Variants in XKR4 observed in about 807,000 individuals in gnomAD.
XKR4 encodes the protein XK-related protein 4.
XKR4 carries 12 observed loss-of-function variants against 53.9 expected under a neutral mutation model. That is an observed-to-expected ratio of 0.22 (90% confidence interval 0.14 to 0.36). XKR4 has a LOEUF of 0.36. Among genes scored for constraint, XKR4 ranks in the 10% least tolerant of loss-of-function variants. The pLI is 1.00. For synonymous variants in XKR4, 354 were observed against 362.4 expected (o/e 0.98, Z 0.26); for missense variants, 799 against 859.5 (o/e 0.93, Z 0.88).
intron 2 of XKR4, among the ~76,000 whole-genome samples, chr8:55,469,728 T>C (rs1034259956): frequency 6.6e-6 from 1 of 152,136 alleles, no homozygotes; most frequent in East Asian, 1.9e-4. Context: ...AATCTCCAAC[T>C]TCTAAGGATC....
At position 55,407,992 on chromosome 8, in the gene XKR4, T is replaced by A. The variant is rs550762302; in HGVS notation, c.1006+50115T>A. 2.0e-5 allele frequency among the ~76,000 whole-genome samples: 3 copies of A among 152,312 alleles called. No individual in the cohort carries two copies. In the South Asian group the frequency reaches 6.2e-4, roughly 32 times the overall value. On this transcript the variant is annotated intron_variant, in intron 2 of 2. Transcript: ENST00000327381. ...TCCATGTGTCACTAACCTGAAGATG[T>A]GATCCTACTTTCAAAGGTATGCCCA...
At chr8:55,133,190 A>G (rs1474384913) in intron 1 of XKR4, among the ~76,000 whole-genome samples, 1 of 152,268 alleles carries the variant, frequency 6.6e-6, no homozygotes, top group Non-Finnish European at 1.5e-5. Flanking sequence ...CCACAAACTT[A>G]TGGAAAAGCA....
intron 2 of XKR4, among the ~76,000 whole-genome samples, chr8:55,440,035 G>C (rs1168981297): frequency 2.6e-5 from 4 of 152,188 alleles, no homozygotes; most frequent in Non-Finnish European, 4.4e-5. Flanking sequence ...GTTACTAACA[G>C]CTAGGCTCTC....
In XKR4 at chr8:55,293,648, A is replaced by G. The variant is rs529273656; in HGVS notation, c.807-64030A>G. ...ATTTTAGTAAAATTGCAGATATTCT[A>G]TCAGGAAGAAACTGTAAAAGCTTTA... On this transcript the variant is annotated intron_variant, in intron 1 of 2. Transcript: ENST00000327381. Among the ~76,000 whole-genome samples the G allele has an allele frequency of 1.7e-4, 26 of 152,286 alleles. No homozygotes were observed. In the South Asian group the frequency reaches 5.4e-3, roughly 32 times the overall value.
At chr8:55,469,560 T>C (rs892240079) in intron 2 of XKR4, among the ~76,000 whole-genome samples, 3 of 152,178 alleles carry the variant, frequency 2.0e-5, no homozygotes, top group African/African-American at 7.2e-5. Flanking sequence ...TTTAAATCTG[T>C]ATCCTACTTC....
At chr8:55,437,965 AAG>A (rs756889766) in intron 2 of XKR4, among the ~76,000 whole-genome samples, 2,040 of 50,118 alleles carry the variant, frequency 0.041, 27 homozygotes, top group Middle Eastern at 0.083. Flanking sequence ...AAAAAAAAAA[AAG>A]AAGAAGAAGA....
intron 2 of XKR4, among the ~76,000 whole-genome samples, chr8:55,516,469 T>TA (rs11326924): frequency 6.6e-6 from 1 of 152,066 alleles, no homozygotes; most frequent in Non-Finnish European, 1.5e-5. Flanking sequence ...AAATTTCCTC[T>TA]AAAAAATGTT....
At chr8:55,495,047 C>A (rs1490528296) in intron 2 of XKR4, among the ~76,000 whole-genome samples, 1 of 152,170 alleles carries the variant, frequency 6.6e-6, no homozygotes, top group Non-Finnish European at 1.5e-5. Flanking sequence ...GTCCTCAATA[C>A]CTGCTTGGCC....
intron 1 of XKR4, among the ~76,000 whole-genome samples, chr8:55,235,443 T>G (rs62517037): frequency 0.24 from 37,037 of 152,152 alleles, 4,982 homozygotes; most frequent in East Asian, 0.48. Context: ...CGTAGGTTGT[T>G]GAAATGTAGC....
At chr8:55,259,090 A>G (rs996270716) in intron 1 of XKR4, among the ~76,000 whole-genome samples, 1 of 152,204 alleles carries the variant, frequency 6.6e-6, no homozygotes, top group Non-Finnish European at 1.5e-5. Context: ...ACCATGTTCT[A>G]CAACACAGTG....
intron 2 of XKR4, among the ~76,000 whole-genome samples, chr8:55,381,451 A>C (rs545212852): frequency 6.6e-6 from 1 of 152,312 alleles, no homozygotes; most frequent in African/African-American, 2.4e-5. Flanking sequence ...TGGACAGTGT[A>C]GCTCAGCCAG....
intron 1 of XKR4, among the ~76,000 whole-genome samples, chr8:55,211,886 C>T (rs1166735928): frequency 1.3e-5 from 2 of 152,132 alleles, no homozygotes; most frequent in Admixed American, 6.5e-5. Context: ...AACATGTGCC[C>T]AAGGTGGTCA....
At chr8:55,123,463 C>A (rs1816419126) in intron 1 of XKR4, among the ~76,000 whole-genome samples, 1 of 152,236 alleles carries the variant, frequency 6.6e-6, no homozygotes, top group African/African-American at 2.4e-5. Context: ...TGGATTTCTG[C>A]AGTCAGCACT....
intron 1 of XKR4, among the ~76,000 whole-genome samples, chr8:55,104,325 T>G (rs1350615812): frequency 1.3e-5 from 2 of 152,198 alleles, no homozygotes; most frequent in Non-Finnish European, 2.9e-5. Context: ...GTCAGAGCTT[T>G]TTTGGTTTTA....
intron 2 of XKR4, among the ~76,000 whole-genome samples, chr8:55,505,515 T>C (rs1310512808): frequency 6.6e-6 from 1 of 152,186 alleles, no homozygotes; most frequent in Non-Finnish European, 1.5e-5. Context: ...TGCACCATGA[T>C]ACTCCTGCCT....
chr8:55,333,378 G>A (rs1803407596), intron 1 of XKR4, among the ~76,000 whole-genome samples: 1 of 152,072 alleles, frequency 6.6e-6, no homozygotes. Flanking sequence ...TGGAGGGGAA[G>A]ACCTTCATTA....
chr8:55,478,199 C>A (rs567436828), intron 2 of XKR4, among the ~76,000 whole-genome samples: 22 of 152,268 alleles, frequency 1.4e-4, no homozygotes, highest in South Asian at 6.2e-4. Flanking sequence ...AACAGCGGAT[C>A]TCTTGGCAGA....
chr8:55,261,038 A>G (rs971668145), intron 1 of XKR4, among the ~76,000 whole-genome samples: 7 of 152,272 alleles, frequency 4.6e-5, no homozygotes, highest in African/African-American at 1.4e-4. Flanking sequence ...CCTTACCCTC[A>G]CAATCTGTCT....
intron 2 of XKR4, among the ~76,000 whole-genome samples, chr8:55,501,340 C>T (rs1053516890): frequency 1.3e-5 from 2 of 152,072 alleles, no homozygotes; most frequent in African/African-American, 2.4e-5. Context: ...TTTAAGTGTA[C>T]GGTTCAATGG....
Sources: allele counts gnomAD v4.1 joint callset (sites outside exome capture counted in the v4.1 genomes callset), GRCh38; gene constraint gnomAD v4.1.1; transcripts MANE v1.5; gene names NCBI Gene and HGNC (gene_info 2026-07-23, HGNC 2026-07-21).